CACNA2D4: variants seen among roughly 807,000 people sequenced by gnomAD.
CACNA2D4 encodes the protein calcium voltage-gated channel auxiliary subunit alpha2delta 4.
A neutral mutation model predicts 163.8 loss-of-function variants in CACNA2D4; 157 were observed. The ratio of observed to expected loss-of-function variants is 0.96; its 90% CI spans 0.84 to 1.09. The LOEUF (loss-of-function observed/expected upper bound fraction) is 1.09. Among genes scored for constraint, CACNA2D4 ranks in the 50% least tolerant of loss-of-function variants. CACNA2D4 has a pLI of 0.00. For synonymous variants in CACNA2D4, 598 were observed against 586.9 expected, an observed-to-expected ratio of 1.02 and a Z score of -0.27; for missense variants, 1,410 against 1,479.9, an observed-to-expected ratio of 0.95 and a Z score of 0.78.
intron 29 of CACNA2D4, among the ~76,000 whole-genome samples, chr12:1,808,846 C>T (rs1023583116): frequency 1.3e-5 from 2 of 152,122 alleles, no homozygotes; most frequent in African/African-American, 4.8e-5. Flanking sequence ...CCCAGAACAA[C>T]GGAAAAATAC....
chr12:1,901,966 A>G (rs139374312), intron 6 of CACNA2D4, among the ~76,000 whole-genome samples: 210 of 152,240 alleles, frequency 1.4e-3, no homozygotes, highest in African/African-American at 4.9e-3. Context: ...AAAATCCTCA[A>G]TAAAAACACT....
At chr12:1,800,993 C>A (rs1174170351) in intron 31 of CACNA2D4, 50 bp downstream of exon 31, 1 of 1,548,290 alleles carries the variant, frequency 6.5e-7, no homozygotes, top group Non-Finnish European at 8.9e-7. Flanking sequence ...CAGGACAGGG[C>A]AGAGGACTGG....
At chr12:1,873,132 C>A (rs899211861) in intron 18 of CACNA2D4, among the ~76,000 whole-genome samples, 1 of 152,032 alleles carries the variant, frequency 6.6e-6, no homozygotes, top group Admixed American at 6.5e-5. Flanking sequence ...TACTTGACAG[C>A]GCCCAGCCCA....
chr12:1,910,462 G>GT (rs1866785357), intron 3 of CACNA2D4, among the ~76,000 whole-genome samples: 6 of 25,242 alleles, frequency 2.4e-4, no homozygotes, highest in African/African-American at 3.3e-4. Context: ...GATGTTGATA[G>GT]CGGGGAAGGC....
rs929255102 is a variant in CACNA2D4, at chr12:1,798,203, G to A, written c.2996-668C>T. Among the ~76,000 whole-genome samples, 3 of 152,192 alleles carry A rather than the reference G, an allele frequency of 2.0e-5. No homozygotes were observed. Among genetic ancestry groups the A allele is most frequent in the Non-Finnish European group, 4.4e-5 (3 of 68,018 alleles). On this transcript the variant is annotated intron_variant, in intron 34 of 37. Coordinates refer to ENST00000382722, the MANE Select transcript of CACNA2D4 (RefSeq NM_172364.5). The surrounding 1 kb of genome is among the most constrained non-coding windows in gnomAD (Gnocchi z 4.3). Reference sequence around the variant, plus strand: ...AGGTGGAGGCGAGTGCCTCAGCCCCGCTCTGCAGGACCCGAGTCCGTTCCC... The same window carrying A: ...AGGTGGAGGCGAGTGCCTCAGCCCCACTCTGCAGGACCCGAGTCCGTTCCC...
At chr12:1,893,354 AAAAAT>A (rs1866331472) in intron 6 of CACNA2D4, among the ~76,000 whole-genome samples, 1 of 152,062 alleles carries the variant, frequency 6.6e-6, no homozygotes, top group African/African-American at 2.4e-5. Context: ...CATCTCTACT[AAAAAT>A]ACAAAAAAAA....
intron 6 of CACNA2D4, among the ~76,000 whole-genome samples, chr12:1,899,333 T>C (rs756324448): frequency 1.3e-5 from 2 of 151,362 alleles, no homozygotes; most frequent in Admixed American, 6.6e-5. Flanking sequence ...ATAGATGAAA[T>C]AGAAAATAGA....
chr12:1,812,579 G>T (rs911929564), intron 26 of CACNA2D4, among the ~76,000 whole-genome samples: 9 of 152,246 alleles, frequency 5.9e-5, no homozygotes, highest in Non-Finnish European at 1.3e-4. Context: ...TGGGCGCTTA[G>T]AACGTGTCCA....
chr12:1,818,002 C>A (rs529427144), intron 26 of CACNA2D4, among the ~76,000 whole-genome samples: 8 of 150,960 alleles, frequency 5.3e-5, no homozygotes, highest in South Asian at 2.1e-4. Context: ...AAGTGAGGAG[C>A]GCCTCTGCCC....
At chr12:1,818,787 T>TAAAAAA (rs1184186630) in intron 26 of CACNA2D4, among the ~76,000 whole-genome samples, 1 of 62,866 alleles carries the variant, frequency 1.6e-5, no homozygotes, top group Non-Finnish European at 3.1e-5. Flanking sequence ...ATAAATAAAT[T>TAAAAAA]AAAAAAAAAA....
chr12:1,834,136 G>A lies in CACNA2D4; in HGVS notation c.2551+6603C>T, dbSNP rs1447227143. 1 of 1,044,012 alleles carries A rather than the reference G, an allele frequency of 9.6e-7. No homozygotes were observed. The highest frequency in any genetic ancestry group is 1.3e-6 in the Non-Finnish European group (1 of 750,342). 64.7% of individuals were successfully genotyped at this position (1,044,012 alleles called of 1,614,324 possible). A position where few individuals can be genotyped will look rare whatever the true frequency, so the allele number is the denominator to read the frequency against. On this transcript the variant is annotated intron_variant, in intron 26 of 37. Coordinates refer to ENST00000382722, the MANE Select transcript of CACNA2D4 (RefSeq NM_172364.5). The surrounding 1 kb of genome is among the most constrained non-coding windows in gnomAD (Gnocchi z 7.6). ...CTCCGCTTCCTCTTCTATAGATGGT[G>A]ATTCCAGGATTGACTACATTGCTGA...
At chr12:1,868,437 G>A (rs899816392) in intron 18 of CACNA2D4, among the ~76,000 whole-genome samples, 2 of 151,626 alleles carry the variant, frequency 1.3e-5, no homozygotes, top group Non-Finnish European at 2.9e-5. Flanking sequence ...GAAAAATGGT[G>A]GTTACTAGCA....
At position 1,872,583 on chromosome 12, in the gene CACNA2D4, G is replaced by T. The variant is rs558730420; in HGVS notation, c.1878+2021C>A. Among the ~76,000 whole-genome samples the T allele has an allele frequency of 1.6e-4, 24 of 152,342 alleles. No individual in the cohort carries two copies. In the East Asian group the frequency reaches 4.0e-3, roughly 26 times the overall value. On this transcript the variant is annotated intron_variant, in intron 18 of 37. Transcript: ENST00000382722. Reference sequence around the variant, plus strand: ...AGGGCTGGGATAGATCAGCAGGCAGGCCGACCATGGGGCGGTTGGATGGCT... The same window carrying T: ...AGGGCTGGGATAGATCAGCAGGCAGTCCGACCATGGGGCGGTTGGATGGCT...
intron 23 of CACNA2D4, among the ~76,000 whole-genome samples, chr12:1,851,628 T>C (rs960031204): frequency 1.3e-5 from 2 of 149,990 alleles, no homozygotes; most frequent in Non-Finnish European, 3.0e-5. Context: ...CAACCTCCCT[T>C]CTTTGCTTTT....
rs568050971 is a variant in CACNA2D4 at position 1,856,606 on chromosome 12, C to T, written c.2009-377G>A. Among the ~76,000 whole-genome samples the T allele has an allele frequency of 1.1e-3, 166 of 152,260 alleles. 4 individuals carry two copies. The Middle Eastern group carries it at 0.051, about 47-fold the overall frequency. On this transcript the variant is annotated intron_variant, in intron 20 of 37. Coordinates refer to ENST00000382722, the MANE Select transcript of CACNA2D4 (RefSeq NM_172364.5). ...CTTGTGCTTCTGCCAGACAGCAGCT[C>T]CCTGAGGAAGCTGCATCTTATTCCT... is the stretch of plus-strand genomic sequence containing the variant.
intron 6 of CACNA2D4, among the ~76,000 whole-genome samples, chr12:1,895,356 C>G (rs931649691): frequency 6.6e-6 from 1 of 151,412 alleles, no homozygotes; most frequent in Non-Finnish European, 1.5e-5. Flanking sequence ...CCATTTTTCA[C>G]AAGAGTAGAA....
intron 26 of CACNA2D4, chr12:1,811,925 C>G (rs944069831): frequency 8.6e-6 from 5 of 584,228 alleles, no homozygotes; most frequent in South Asian, 4.3e-5. Context: ...ACGGCAGCCT[C>G]TCTCGTTCCC....
In CACNA2D4 at chr12:1,875,765, T is replaced by G. The variant is rs1865869410; in HGVS notation, c.1720-428A>C. Among the ~76,000 whole-genome samples, 1 of 152,230 alleles carries G rather than the reference T, an allele frequency of 6.6e-6. No homozygotes were observed. The highest frequency in any genetic ancestry group is 6.5e-5 in the Admixed American group (1 of 15,288). On this transcript the variant is annotated intron_variant, in intron 16 of 37. Transcript: ENST00000382722. This position sits in a 1 kb window ranked among gnomAD's most constrained non-coding sequence, Gnocchi z 4.0. Reference sequence around the variant, plus strand: ...GATTTCCAAAGATACTTGTCACGCCTAAGACTTCACTGCTCCAACTGAGTT... The same window carrying G: ...GATTTCCAAAGATACTTGTCACGCCGAAGACTTCACTGCTCCAACTGAGTT...
intron 26 of CACNA2D4, among the ~76,000 whole-genome samples, chr12:1,825,538 C>T (rs1864278375): frequency 6.6e-6 from 1 of 152,228 alleles, no homozygotes; most frequent in African/African-American, 2.4e-5. Context: ...AGAGGCATCT[C>T]ACTCAGCTGC....
Sources: allele counts gnomAD v4.1 joint callset (sites outside exome capture counted in the v4.1 genomes callset), GRCh38; gene constraint gnomAD v4.1.1; non-coding constraint Gnocchi (gnomAD v3.1); transcripts MANE v1.5; gene names NCBI Gene and HGNC (gene_info 2026-07-23, HGNC 2026-07-21).